Variants in TBC1D22A observed in about 807,000 individuals in gnomAD.
TBC1D22A encodes putative GTPase activator.
A neutral mutation model predicts 60.2 loss-of-function variants in TBC1D22A; 38 were observed. The ratio of observed to expected loss-of-function variants is 0.63; its 90% confidence interval spans 0.49 to 0.83. The LOEUF (loss-of-function observed/expected upper bound fraction) is 0.83. TBC1D22A is among the 40% of genes least tolerant of loss of function. TBC1D22A has a pLI of 0.00. For missense variants in TBC1D22A, 628 were observed against 701.0 expected (o/e 0.90, Z 1.18); for synonymous variants, 302 against 281.7 (o/e 1.07, Z -0.72).
At chr22:47,082,369 C>T (rs759153810) in intron 11 of TBC1D22A, among the ~76,000 whole-genome samples, 18 of 151,868 alleles carry the variant, frequency 1.2e-4, no homozygotes, top group Non-Finnish European at 2.1e-4. Context: ...TCCTACAGAG[C>T]GGCAGTTATC....
intron 4 of TBC1D22A, among the ~76,000 whole-genome samples, chr22:46,862,522 C>T (rs1348890007): frequency 1.3e-5 from 2 of 152,202 alleles, no homozygotes; most frequent in Non-Finnish European, 2.9e-5. Flanking sequence ...GAAAATGGCT[C>T]CCGAGGCCAT....
chr22:46,826,034 C>G (rs968190279), intron 4 of TBC1D22A, among the ~76,000 whole-genome samples: 1 of 152,114 alleles, frequency 6.6e-6, no homozygotes, highest in South Asian at 2.1e-4. Context: ...AGGTGCCCAC[C>G]ACCACGCCTG....
At position 47,036,979 on chromosome 22, in the gene TBC1D22A, G is replaced by T; in HGVS notation, c.1202-92G>T. 2.6e-6 allele frequency: 4 copies of T among 1,529,852 alleles called. No individual in the cohort carries two copies. In the South Asian group the frequency reaches 4.7e-5, roughly 18 times the overall value. The allele number at this position is 1,529,852 out of a possible 1,614,324, so 94.8% of individuals were successfully genotyped here. Reference sequence around the variant, plus strand: ...CCCTGTTGGAGTGGGGTTCTGAGGCGGGCGCAGGCCCTTGGGGGACAAGTG... The same window carrying T: ...CCCTGTTGGAGTGGGGTTCTGAGGCTGGCGCAGGCCCTTGGGGGACAAGTG... On this transcript the variant is annotated intron_variant, in intron 10 of 12. Coordinates refer to ENST00000337137, the MANE Select transcript of TBC1D22A (RefSeq NM_014346.5).
chr22:46,945,073 A>T (rs1023315736), intron 8 of TBC1D22A, among the ~76,000 whole-genome samples: 1 of 152,208 alleles, frequency 6.6e-6, no homozygotes, highest in Non-Finnish European at 1.5e-5. Context: ...GCCACTTCCA[A>T]ATCTGTAGTT....
chr22:46,770,808 G>T (rs2083455708), intron 1 of TBC1D22A, among the ~76,000 whole-genome samples: 1 of 152,208 alleles, frequency 6.6e-6, no homozygotes, highest in Non-Finnish European at 1.5e-5. Context: ...GTTTTGAAGA[G>T]ATTGTTTATT....
chr22:47,139,406 C>T (rs1047595722), intron 12 of TBC1D22A, among the ~76,000 whole-genome samples: 1 of 152,222 alleles, frequency 6.6e-6, no homozygotes, highest in African/African-American at 2.4e-5. Context: ...TTCACCCAAA[C>T]ATGAGCCGTG....
intron 1 of TBC1D22A, among the ~76,000 whole-genome samples, chr22:46,789,893 G>A (rs1030039099): frequency 6.6e-6 from 1 of 152,158 alleles, no homozygotes. Context: ...ACTAGCACAC[G>A]GCAATGTTTA....
At chr22:47,143,603 G>C (rs1459002516) in intron 12 of TBC1D22A, among the ~76,000 whole-genome samples, 1 of 152,192 alleles carries the variant, frequency 6.6e-6, no homozygotes, top group Non-Finnish European at 1.5e-5. Context: ...ACAGAAACTG[G>C]GTCCTGGGAA....
At chr22:47,001,478 G>T (rs2061411468) in intron 10 of TBC1D22A, among the ~76,000 whole-genome samples, 1 of 150,076 alleles carries the variant, frequency 6.7e-6, no homozygotes, top group Non-Finnish European at 1.5e-5. Flanking sequence ...AAAGTTGGGT[G>T]ATGTTTTTGT....
chr22:47,025,773 G>A (rs16996182), intron 10 of TBC1D22A, among the ~76,000 whole-genome samples: 2 of 152,148 alleles, frequency 1.3e-5, no homozygotes, highest in Non-Finnish European at 2.9e-5. Flanking sequence ...TATAGAGTGC[G>A]TGGCAATATG....
intron 11 of TBC1D22A, among the ~76,000 whole-genome samples, chr22:47,064,407 T>C (rs534232068): frequency 7.9e-5 from 12 of 152,390 alleles, no homozygotes; most frequent in Middle Eastern, 3.4e-3. Flanking sequence ...CAGATGGAGC[T>C]GTTCAGCTCA....
At chr22:47,014,946 G>A (rs1018456859) in intron 10 of TBC1D22A, among the ~76,000 whole-genome samples, 2 of 152,138 alleles carry the variant, frequency 1.3e-5, no homozygotes, top group Admixed American at 1.3e-4. Context: ...GGTGACTGAG[G>A]GCCCCAAGGG....
intron 1 of TBC1D22A, among the ~76,000 whole-genome samples, chr22:46,789,993 C>T (rs1446045714): frequency 1.3e-5 from 2 of 152,232 alleles, no homozygotes. Context: ...GCCTCCCAGA[C>T]CAAGGAAAAC....
At chr22:46,995,731 G>A (rs911615224) in intron 9 of TBC1D22A, among the ~76,000 whole-genome samples, 6 of 152,082 alleles carry the variant, frequency 3.9e-5, no homozygotes, top group African/African-American at 1.2e-4. Flanking sequence ...CCCTTGCTGT[G>A]TGCCCTGTCA....
intron 9 of TBC1D22A, among the ~76,000 whole-genome samples, chr22:46,997,103 A>C (rs1302593223): frequency 1.3e-5 from 2 of 152,146 alleles, no homozygotes; most frequent in Non-Finnish European, 2.9e-5. Flanking sequence ...ACTTCACCTG[A>C]GTTCACCCAA....
intron 1 of TBC1D22A, among the ~76,000 whole-genome samples, chr22:46,783,516 G>A (rs2084031928): frequency 6.6e-6 from 1 of 152,186 alleles, no homozygotes; most frequent in African/African-American, 2.4e-5. Flanking sequence ...GCCGCTGTGG[G>A]GTCTTTGCCT....
chr22:46,780,504 G>C (rs1314978075), intron 1 of TBC1D22A, among the ~76,000 whole-genome samples: 1 of 152,042 alleles, frequency 6.6e-6, no homozygotes, highest in Non-Finnish European at 1.5e-5. Context: ...TGGTGTAGAG[G>C]CTTCAAATTC....
intron 7 of TBC1D22A, among the ~76,000 whole-genome samples, chr22:46,909,372 G>A (rs2069734256): frequency 6.6e-6 from 1 of 151,646 alleles, no homozygotes; most frequent in African/African-American, 2.4e-5. Context: ...GCTCTGGGCG[G>A]TGCCTGCCTT....
chr22:47,113,279 G>A (rs866250373), intron 12 of TBC1D22A, among the ~76,000 whole-genome samples: 3 of 152,268 alleles, frequency 2.0e-5, no homozygotes, highest in South Asian at 2.1e-4. Context: ...GCTGGCTGCC[G>A]AGAGTCAGTC....
Sources: allele counts gnomAD v4.1 joint callset (sites outside exome capture counted in the v4.1 genomes callset), GRCh38; gene constraint gnomAD v4.1.1; transcripts MANE v1.5; gene names NCBI Gene and HGNC (gene_info 2026-07-23, HGNC 2026-07-21).